Variants in RBM26 observed in about 807,000 individuals in gnomAD.
The protein encoded by RBM26 is RNA binding motif protein 26, also known as RNA-binding protein 26.
In RBM26, 30 loss-of-function variants were observed where a neutral mutation model predicts 123.6. The observed-to-expected ratio is 0.24, with a 90% confidence interval of 0.18 to 0.33. The LOEUF is 0.33. Among genes scored for constraint, RBM26 ranks in the 10% least tolerant of loss-of-function variants. RBM26 has a pLI of 1.00. For missense variants in RBM26, 947 were observed against 1,203.6 expected (o/e 0.79, Z 3.15); for synonymous variants, 400 against 404.4 (o/e 0.99, Z 0.13).
intron 1 of RBM26, among the ~76,000 whole-genome samples, chr13:79,397,783 TA>T (rs200998003): frequency 0.027 from 4,073 of 150,312 alleles, 89 homozygotes; most frequent in Non-Finnish European, 0.043. Flanking sequence ...ACAGAATCTA[TA>T]AAATAGCTAC....
chr13:79,377,559 A>T, intron 2 of RBM26, 44 bp from the exon 3 acceptor site: 1 of 1,435,864 alleles, frequency 7.0e-7, no homozygotes. Flanking sequence ...ACATTTGTTA[A>T]GATTAATTCC....
chr13:79,400,046 C>A (rs1434055187), intron 1 of RBM26, among the ~76,000 whole-genome samples: 1 of 152,104 alleles, frequency 6.6e-6, no homozygotes, highest in Non-Finnish European at 1.5e-5. Flanking sequence ...AATCCATTAA[C>A]AAGCTCAGAG....
At chr13:79,359,814 T>C (rs1594305281) in intron 9 of RBM26, 128 bp from the exon 10 acceptor site, 3 of 206,848 alleles carry the variant, frequency 1.5e-5, no homozygotes, top group Non-Finnish European at 2.8e-5. Flanking sequence ...ATATAATTTT[T>C]TTTTTAGAAG....
At chr13:79,337,718 T>C (rs932173913) in intron 18 of RBM26, among the ~76,000 whole-genome samples, 3 of 152,230 alleles carry the variant, frequency 2.0e-5, no homozygotes, top group African/African-American at 7.2e-5. Context: ...CCAATTGACT[T>C]CAATAGGTAC....
chr13:79,326,554 G>C (rs1002093266), intron 20 of RBM26, among the ~76,000 whole-genome samples: 7 of 152,018 alleles, frequency 4.6e-5, no homozygotes, highest in African/African-American at 1.4e-4. Context: ...GATAATTTTT[G>C]AAAAAACTAC....
At position 79,400,665 on chromosome 13, in the gene RBM26, A is replaced by G. The variant is rs576095530; in HGVS notation, c.71+5039T>C. ...AATTAGAATCTGAAGAAAAGGAACA[A>G]AAGAGGGTAAGACTGACTTAAGAAA... On this transcript the variant is annotated intron_variant, in intron 1 of 21. Coordinates refer to ENST00000438737, the MANE Select transcript of RBM26 (RefSeq NM_001366735.2). Among the ~76,000 whole-genome samples the G allele has an allele frequency of 3.9e-5, 6 of 152,330 alleles. No individual in the cohort carries two copies. In the East Asian group the frequency reaches 1.2e-3, roughly 29 times the overall value.
At chr13:79,397,680 CAAAAAAAAAA>C (rs561587209) in intron 1 of RBM26, among the ~76,000 whole-genome samples, 2 of 63,258 alleles carry the variant, frequency 3.2e-5, no homozygotes, top group Admixed American at 2.3e-4. Context: ...GACTCCATCT[CAAAAAAAAAA>C]AAAAAAAAAA....
chr13:79,388,041 C>A (rs765301460), intron 1 of RBM26, among the ~76,000 whole-genome samples: 4 of 152,310 alleles, frequency 2.6e-5, no homozygotes, highest in Middle Eastern at 3.4e-3. Flanking sequence ...AATCTAAATT[C>A]AGGCATTTCA....
chr13:79,402,928 G>C (rs2079176195), intron 1 of RBM26, among the ~76,000 whole-genome samples: 1 of 151,980 alleles, frequency 6.6e-6, no homozygotes, highest in African/African-American at 2.4e-5. Flanking sequence ...AATGTTTGCT[G>C]AATTAACACA....
At chr13:79,359,093 T>C (rs568633639) in intron 10 of RBM26, among the ~76,000 whole-genome samples, 5 of 152,270 alleles carry the variant, frequency 3.3e-5, no homozygotes, top group African/African-American at 1.2e-4. Flanking sequence ...CTCACACATA[T>C]CTTAACATTC....
chr13:79,370,693 A>G (rs565263395), intron 5 of RBM26, among the ~76,000 whole-genome samples: 1 of 152,344 alleles, frequency 6.6e-6, no homozygotes, highest in Admixed American at 6.5e-5. Context: ...CAGCTTATCT[A>G]CTTTCTCACC....
rs138547655 is a variant in RBM26 at position 79,399,148 on chromosome 13, T to C, written c.71+6556A>G. Among the ~76,000 whole-genome samples the C allele has an allele frequency of 6.8e-3, 1,041 of 152,262 alleles. 18 individuals are homozygous for C. Among genetic ancestry groups the C allele is most frequent in the African/African-American group, 0.023 (958 of 41,540 alleles). On this transcript the variant is annotated intron_variant, in intron 1 of 21. Coordinates refer to ENST00000438737, the MANE Select transcript of RBM26 (RefSeq NM_001366735.2). ...GGAGGAGTCACTTCACCCAGCTGGA[T>C]AGATCATAGGCAGCTTTCTGGAAGA...
Position 79,386,715 on chromosome 13 carries a change from A to C in RBM26, c.72-7808T>G, listed in dbSNP as rs1438644218. 1.3e-5 allele frequency among the ~76,000 whole-genome samples: 2 copies of C among 151,244 alleles called. 1 individual carries two copies. Among genetic ancestry groups the C allele is most frequent in the Non-Finnish European group, 2.9e-5 (2 of 67,856 alleles). On this transcript the variant is annotated intron_variant, in intron 1 of 21. Coordinates refer to ENST00000438737, the MANE Select transcript of RBM26 (RefSeq NM_001366735.2). ...AGGAAGAATTGAGTTATCTGAGAAA[A>C]GACTGGTTCTAGAGGCCACCCCCAC...
chr13:79,332,282 A>G (rs551135907), intron 20 of RBM26, among the ~76,000 whole-genome samples: 1 of 152,334 alleles, frequency 6.6e-6, no homozygotes, highest in African/African-American at 2.4e-5. Flanking sequence ...TTTATATAAC[A>G]ATGGTGATAG....
chr13:79,383,505 T>C (rs7322901), intron 1 of RBM26, among the ~76,000 whole-genome samples: 76,821 of 151,962 alleles, frequency 0.51, 19,818 homozygotes, highest in Middle Eastern at 0.61. Context: ...TCATATAAAG[T>C]TTGATGAATA....
At chr13:79,386,357 G>A (rs1451748935) in intron 1 of RBM26, among the ~76,000 whole-genome samples, 3 of 150,564 alleles carry the variant, frequency 2.0e-5, no homozygotes, top group Non-Finnish European at 4.4e-5. Flanking sequence ...GAAATTCCAG[G>A]AATCCTGATA....
chr13:79,405,757 G>A lies in RBM26; in HGVS notation c.18C>T (p.Ile6=), dbSNP rs1190871412. 1 of 1,597,524 alleles carries A rather than the reference G, an allele frequency of 6.3e-7. No homozygotes were observed. Among genetic ancestry groups the A allele is most frequent in the Admixed American group, 1.7e-5 (1 of 58,232 alleles). MVSKM[I]IENFEALKSW... is the part of the protein sequence containing the mutation. ...ACTTGAGTGCCTCGAAGTTTTCAATGATCATTTTAGAAACCATCCACAGCG... is the reference window on the plus strand; with the variant it reads ...ACTTGAGTGCCTCGAAGTTTTCAATAATCATTTTAGAAACCATCCACAGCG... Residue 6 remains isoleucine (I), a synonymous_variant, in exon 1 of 22, where the codon ATC becomes ATT. Transcript: ENST00000438737.
intron 3 of RBM26, among the ~76,000 whole-genome samples, chr13:79,374,544 T>C (rs2076474388): frequency 6.6e-6 from 1 of 152,122 alleles, no homozygotes; most frequent in Non-Finnish European, 1.5e-5. Context: ...GGAAATCCTA[T>C]TAACAGACCA....
At chr13:79,331,394 G>A (rs1197560020) in intron 20 of RBM26, among the ~76,000 whole-genome samples, 2 of 151,514 alleles carry the variant, frequency 1.3e-5, no homozygotes, top group African/African-American at 2.4e-5. Flanking sequence ...GCTGAGGCAG[G>A]TGGATCACGA....
Sources: allele counts gnomAD v4.1 joint callset (sites outside exome capture counted in the v4.1 genomes callset), GRCh38; gene constraint gnomAD v4.1.1; transcripts MANE v1.5; gene names NCBI Gene and HGNC (gene_info 2026-07-23, HGNC 2026-07-21).